The following FBXO15 variants were observed in gnomAD, a reference collection of about 807,000 sequenced individuals.
FBXO15 encodes the protein F-box only protein 15.
A neutral mutation model predicts 49.5 loss-of-function variants in FBXO15; 30 were observed. The ratio of observed to expected loss-of-function variants is 0.61; its 90% confidence interval spans 0.45 to 0.82. The LOEUF (loss-of-function observed/expected upper bound fraction) is 0.82. FBXO15 is among the 40% of genes least tolerant of loss of function. The pLI is 0.00. For missense variants in FBXO15, 591 were observed against 631.5 expected, an observed-to-expected ratio of 0.94 and a Z score of 0.69; for synonymous variants, 250 against 232.7, an observed-to-expected ratio of 1.07 and a Z score of -0.68.
chr18:74,097,512 G>T, intron 8 of FBXO15: 1 of 152,438 alleles, frequency 6.6e-6, no homozygotes, highest in Non-Finnish European at 1.5e-5. Flanking sequence ...CTGACAACCT[G>T]CATGACACAG....
chr18:74,082,222 G>T, intron 8 of FBXO15, 171 bp from the exon 9 acceptor site: 1 of 481,226 alleles, frequency 2.1e-6, no homozygotes. Context: ...CCAGAGTGAT[G>T]CATCTGTGTC....
intron 3 of FBXO15, among the ~76,000 whole-genome samples, chr18:74,132,052 G>T (rs1449288509): frequency 2.1e-5 from 3 of 145,700 alleles, no homozygotes; most frequent in Non-Finnish European, 3.0e-5. Context: ...TCCTAGTGTG[G>T]GTTTCTCAGT....
chr18:74,119,134 G>A (rs536234459), intron 8 of FBXO15, among the ~76,000 whole-genome samples: 1 of 152,336 alleles, frequency 6.6e-6, no homozygotes, highest in African/African-American at 2.4e-5. Flanking sequence ...GGTCCCACAA[G>A]AAGGGCCAGC....
chr18:74,109,400 C>T (rs982556375), intron 8 of FBXO15, among the ~76,000 whole-genome samples: 1 of 152,186 alleles, frequency 6.6e-6, no homozygotes, highest in Non-Finnish European at 1.5e-5. Flanking sequence ...ATTAGTGCAA[C>T]CACTGTGGAA....
chr18:74,089,479 G>T (rs947860273), intron 8 of FBXO15, among the ~76,000 whole-genome samples: 1 of 152,146 alleles, frequency 6.6e-6, no homozygotes, highest in African/African-American at 2.4e-5. Flanking sequence ...GGAGTGGTGA[G>T]AGAGGGCATC....
chr18:74,122,210 A>C (rs1389788826), intron 8 of FBXO15, among the ~76,000 whole-genome samples: 1 of 152,194 alleles, frequency 6.6e-6, no homozygotes, highest in African/African-American at 2.4e-5. Context: ...TACTGCATTA[A>C]AGCCAGCATG....
At chr18:74,135,946 C>A in intron 2 of FBXO15, 80 bp from the exon 3 acceptor site, 1 of 1,124,530 alleles carries the variant, frequency 8.9e-7, no homozygotes, top group Non-Finnish European at 1.3e-6. Context: ...AAACAACTGG[C>A]TGCTCATCTC....
chr18:74,094,530 TTTC>T (rs1248931561), intron 8 of FBXO15, among the ~76,000 whole-genome samples: 1 of 152,208 alleles, frequency 6.6e-6, no homozygotes, highest in Non-Finnish European at 1.5e-5. Context: ...ATCCTGAGTA[TTTC>T]TTTTTAGCAA....
intron 8 of FBXO15, among the ~76,000 whole-genome samples, chr18:74,119,059 C>T (rs551583046): frequency 4.6e-5 from 7 of 152,252 alleles, no homozygotes; most frequent in East Asian, 1.9e-4. Flanking sequence ...CCCTGGGAGG[C>T]GGGATGAGGG....
At chr18:74,131,405 G>A (rs777694581) in intron 3 of FBXO15, among the ~76,000 whole-genome samples, 3 of 152,100 alleles carry the variant, frequency 2.0e-5, no homozygotes, top group Non-Finnish European at 4.4e-5. Context: ...AGCTGGGATC[G>A]GAACCAGAGC....
intron 8 of FBXO15, among the ~76,000 whole-genome samples, chr18:74,110,935 A>C (rs558624428): frequency 1.3e-5 from 2 of 152,354 alleles, no homozygotes; most frequent in Non-Finnish European, 2.9e-5. Context: ...AACAGCAAAG[A>C]GAAATAAACT....
At position 74,123,449 on chromosome 18, in the gene FBXO15, C is replaced by G. The variant is rs553829282; in HGVS notation, c.1057G>C (p.Gly353Arg). Residue 353 changes from glycine to arginine, a missense_variant, in exon 8 of 10, where the codon GGC becomes CGC. Transcript: ENST00000419743. The stretch of plus-strand genomic sequence containing the variant: ...TGCAGATCAACATGGAGTTGGTAGC[C>G]GTGCAGTCCATACTCGGGGCTATCA... ...LDDSPEYGLH[G>R]YQLHVDLHSG... The G allele has an allele frequency of 2.5e-6, 4 of 1,613,844 alleles. No individual in the cohort carries two copies. In the Middle Eastern group the frequency reaches 5.0e-4, roughly 200 times the overall value.
At chr18:74,092,029 G>T (rs540687440) in intron 8 of FBXO15, among the ~76,000 whole-genome samples, 1 of 152,154 alleles carries the variant, frequency 6.6e-6, no homozygotes, top group Non-Finnish European at 1.5e-5. Context: ...ATGCATCGTA[G>T]ATTTGGTCTC....
In FBXO15 at chr18:74,073,499, T is replaced by C. The variant is rs149032133; in HGVS notation, c.1495A>G (p.Ile499Val). 8 of 1,614,088 alleles carry C rather than the reference T, an allele frequency of 5.0e-6. No individual in the cohort carries two copies. In the African/African-American group the frequency reaches 8.0e-5, roughly 16 times the overall value. The change falls in exon 10 of 10, where the codon ATC becomes GTC. Residue 499 changes from isoleucine to valine, a missense_variant. Physicochemically the swap from Ile to Val is conservative, Grantham distance 29. Transcript: ENST00000419743. ...LIVNLVLYLS[I>V]AKINHWFGTE... The stretch of plus-strand genomic sequence containing the variant: ...CCAAACCAATGGTTGATTTTTGCGA[T>C]ACTAAGATAAAGGACCAGGTTGACA...
chr18:74,090,808 A>G lies in FBXO15; in HGVS notation c.1139-8757T>C, dbSNP rs62096991. On this transcript the variant is annotated intron_variant, in intron 8 of 9. Transcript: ENST00000419743. ...TTTTCTTTATTTTCATTTGCTGATG[A>G]TTGTTTTATGTCTGGTTGTGTGGTC... 5.4e-3 allele frequency among the ~76,000 whole-genome samples: 818 copies of G among 152,082 alleles called. 6 individuals carry two copies. Among genetic ancestry groups the G allele is most frequent in the Admixed American group, 8.2e-3 (125 of 15,272 alleles).
At chr18:74,104,193 T>C (rs1194401516) in intron 8 of FBXO15, among the ~76,000 whole-genome samples, 1 of 152,210 alleles carries the variant, frequency 6.6e-6, no homozygotes, top group Non-Finnish European at 1.5e-5. Flanking sequence ...ATTCTTTTCT[T>C]TGTGTTCTAA....
chr18:74,147,749 A>G lies in FBXO15; in HGVS notation c.37T>C (p.Trp13Arg). The G allele has an allele frequency of 6.5e-7, 1 of 1,536,618 alleles. No homozygotes were observed. The highest frequency in any genetic ancestry group is 8.7e-7 in the Non-Finnish European group (1 of 1,143,220). The change falls in exon 1 of 10, where the codon TGG becomes CGG. Residue 13 changes from tryptophan to arginine, a missense_variant. Transcript: ENST00000419743. ...CCGCGCAGCGTCTGGAGGCCGAGCC[A>G]GTGCTGCTGCAAGATCCGACCGCGT... ...TGRGRILQQH[W>R]LGLQTLRGPS... is the part of the protein sequence containing the mutation.
chr18:74,104,816 G>A (rs920058537), intron 8 of FBXO15, among the ~76,000 whole-genome samples: 1 of 152,068 alleles, frequency 6.6e-6, no homozygotes, highest in Non-Finnish European at 1.5e-5. Context: ...GGAAGGGACA[G>A]GATACAATAC....
At position 74,124,082 on chromosome 18, in the gene FBXO15, C is replaced by T. The variant is rs193169513; in HGVS notation, c.995+407G>A. Reference sequence around the variant, plus strand: ...GGGAAGCCTGTGCGCCACCTAAAGACGCGCAAATTCATTAAAAGACACACA... The same window carrying T: ...GGGAAGCCTGTGCGCCACCTAAAGATGCGCAAATTCATTAAAAGACACACA... On this transcript the variant is annotated intron_variant, in intron 7 of 9. Coordinates refer to ENST00000419743, the MANE Select transcript of FBXO15 (RefSeq NM_001142958.2). Among the ~76,000 whole-genome samples the T allele has an allele frequency of 2.1e-3, 315 of 152,070 alleles. 1 individual carries two copies. The highest frequency in any genetic ancestry group is 7.2e-3 in the African/African-American group (299 of 41,468).
Sources: gnomAD v4.1 joint callset for allele counts (sites outside exome capture counted in the v4.1 genomes callset) on GRCh38, gnomAD v4.1.1 for gene constraint, MANE v1.5 for transcripts, NCBI Gene and HGNC (gene_info 2026-07-23, HGNC 2026-07-21) for gene names.